The following ANKMY2 variants were observed in gnomAD, a reference collection of about 807,000 sequenced individuals.
ANKMY2 encodes the protein ankyrin repeat and MYND domain-containing protein 2.
Under a neutral mutation model 50.4 loss-of-function variants are expected in ANKMY2, and 36 were observed. That is an observed-to-expected ratio of 0.71 (90% CI 0.55 to 0.94). ANKMY2 has a LOEUF of 0.94. Ranked by LOEUF, ANKMY2 falls within the 40% of genes least tolerant of loss-of-function variation. The probability of loss-of-function intolerance (pLI) is 0.00; values close to 1 mark genes in which losing one functional copy is unlikely to be tolerated. For synonymous variants in ANKMY2, 187 were observed against 178.8 expected (o/e 1.05, Z -0.36); for missense variants, 565 against 524.0 (o/e 1.08, Z -0.76).
At position 16,600,709 on chromosome 7, in the gene ANKMY2, T is replaced by C; in HGVS notation, c.*52A>G. 3 of 1,492,492 alleles carry C rather than the reference T, an allele frequency of 2.0e-6. No individual in the cohort carries two copies. Among genetic ancestry groups the C allele is most frequent in the Non-Finnish European group, 2.7e-6 (3 of 1,114,394 alleles). The allele number at this position is 1,492,492 out of a possible 1,614,324, so 92.5% of individuals were successfully genotyped here. Reference sequence around the variant, plus strand: ...TGAGGACAATGCATTCCTAGGAGTTTTCCAGCTTCTTGCAGGGTGAGGATC... The same window carrying C: ...TGAGGACAATGCATTCCTAGGAGTTCTCCAGCTTCTTGCAGGGTGAGGATC... On this transcript the variant is annotated 3_prime_UTR_variant, in exon 10 of 10. Coordinates refer to ENST00000306999, the MANE Select transcript of ANKMY2 (RefSeq NM_020319.3).
At chr7:16,636,873 GCAC>G (rs1781669092) in intron 1 of ANKMY2, among the ~76,000 whole-genome samples, 2 of 152,292 alleles carry the variant, frequency 1.3e-5, no homozygotes, top group South Asian at 4.1e-4. Context: ...TAATTTGTCA[GCAC>G]CACATCTTGT....
intron 2 of ANKMY2, among the ~76,000 whole-genome samples, chr7:16,632,913 T>C (rs1781608665): frequency 1.3e-5 from 2 of 152,214 alleles, no homozygotes; most frequent in South Asian, 4.1e-4. Flanking sequence ...TGCTAATACC[T>C]GCTATACCAC....
chr7:16,629,144 C>G (rs185748132), intron 2 of ANKMY2, among the ~76,000 whole-genome samples: 1 of 152,148 alleles, frequency 6.6e-6, no homozygotes, highest in African/African-American at 2.4e-5. Context: ...ATTTTCCTGG[C>G]TCTTTTCTCT....
intron 5 of ANKMY2, among the ~76,000 whole-genome samples, chr7:16,614,157 C>G (rs538301401): frequency 1.2e-3 from 185 of 152,270 alleles, no homozygotes; most frequent in Non-Finnish European, 2.2e-3. Flanking sequence ...CCCAGCCAGC[C>G]CATGCCTGAG....
At chr7:16,625,570 T>G (rs565461821) in intron 3 of ANKMY2, among the ~76,000 whole-genome samples, 9 of 152,342 alleles carry the variant, frequency 5.9e-5, no homozygotes, top group African/African-American at 2.2e-4. Context: ...ATTCTTCTAC[T>G]AAAGTAGTCA....
chr7:16,609,605 T>A lies in ANKMY2; in HGVS notation c.882+25A>T. The stretch of plus-strand genomic sequence containing the variant: ...TGGGAATTAGGTTTTACTGATAGAG[T>A]CAACTTAGGTAAGAGGAGCCTTACA... On this transcript the variant is annotated intron_variant, in intron 7 of 9. Coordinates refer to ENST00000306999, the MANE Select transcript of ANKMY2 (RefSeq NM_020319.3). The A allele has an allele frequency of 1.9e-6, 3 of 1,574,414 alleles. No homozygotes were observed. In the Admixed American group the frequency reaches 6.2e-5, roughly 33 times the overall value.
At chr7:16,603,416 A>C (rs1781103348) in intron 8 of ANKMY2, 2 of 330,938 alleles carry the variant, frequency 6.0e-6, no homozygotes, top group African/African-American at 4.3e-5. Flanking sequence ...TGGAGAAAAT[A>C]TCTAGTACAA....
chr7:16,600,568 C>T lies in ANKMY2; in HGVS notation c.*193G>A. 1 of 422,194 alleles carries T rather than the reference C, an allele frequency of 2.4e-6. No homozygotes were observed. Among genetic ancestry groups the T allele is most frequent in the Non-Finnish European group, 4.0e-6 (1 of 248,912 alleles). The allele number at this position is 422,194 out of a possible 1,614,324, so 26.2% of individuals were successfully genotyped here. A position where few individuals can be genotyped will look rare whatever the true frequency, so the allele number is the denominator to read the frequency against. On this transcript the variant is annotated 3_prime_UTR_variant, in exon 10 of 10. Coordinates refer to ENST00000306999, the MANE Select transcript of ANKMY2 (RefSeq NM_020319.3). ...AAAATTTTCCATAGGAATATCCATT[C>T]AATTATAGAACAGAAATCAATAGGA...
chr7:16,621,511 TC>T (rs1781434860), intron 4 of ANKMY2, among the ~76,000 whole-genome samples: 1 of 152,054 alleles, frequency 6.6e-6, no homozygotes, highest in South Asian at 2.1e-4. Context: ...TAGCTATATA[TC>T]TGGGGGGAAA....
intron 4 of ANKMY2, among the ~76,000 whole-genome samples, chr7:16,616,149 G>A (rs558036352): frequency 1.3e-4 from 20 of 152,260 alleles, no homozygotes; most frequent in African/African-American, 4.8e-4. Flanking sequence ...CGAAGATTAT[G>A]TGGATTACAA....
At chr7:16,601,997 C>T (rs1041407157) in intron 9 of ANKMY2, among the ~76,000 whole-genome samples, 8 of 152,112 alleles carry the variant, frequency 5.3e-5, no homozygotes, top group Non-Finnish European at 8.8e-5. Context: ...TAAAGGCTTC[C>T]ACCCTTAAAA....
At chr7:16,622,582 C>CA (rs1217505662) in intron 4 of ANKMY2, among the ~76,000 whole-genome samples, 4 of 151,186 alleles carry the variant, frequency 2.6e-5, no homozygotes, top group Admixed American at 2.0e-4. Context: ...ACTAAAAATA[C>CA]AAAAAAAATT....
chr7:16,605,450 T>C (rs1235791527), intron 7 of ANKMY2, among the ~76,000 whole-genome samples: 2 of 152,180 alleles, frequency 1.3e-5, no homozygotes, highest in African/African-American at 2.4e-5. Flanking sequence ...TGAAACTTAC[T>C]ACTAGTGGGC....
chr7:16,638,657 C>T (rs899303679), intron 1 of ANKMY2, among the ~76,000 whole-genome samples: 23 of 152,130 alleles, frequency 1.5e-4, no homozygotes, highest in African/African-American at 5.1e-4. Context: ...CCTGAAGATG[C>T]GGGGAGGGGT....
At chr7:16,644,743 G>A in intron 1 of ANKMY2, 1 of 470,856 alleles carries the variant, frequency 2.1e-6, no homozygotes. Context: ...GGGGACTCCG[G>A]GGAAATATGG....
At position 16,600,749 on chromosome 7, in the gene ANKMY2, T is replaced by G. The variant is rs776458197; in HGVS notation, c.*12A>C. ...GGGTGAGGATCATCCACACTGGCAC[T>G]TGCTCTGGCTTTTACTCCTCAGACA... is the stretch of plus-strand genomic sequence containing the variant. On this transcript the variant is annotated 3_prime_UTR_variant, in exon 10 of 10. Coordinates refer to ENST00000306999, the MANE Select transcript of ANKMY2 (RefSeq NM_020319.3). 2 of 1,594,544 alleles carry G rather than the reference T, an allele frequency of 1.3e-6. No homozygotes were observed. Among genetic ancestry groups the G allele is most frequent in the Non-Finnish European group, 1.7e-6 (2 of 1,170,140 alleles).
intron 1 of ANKMY2, among the ~76,000 whole-genome samples, chr7:16,642,160 C>T (rs1227972483): frequency 6.6e-6 from 1 of 150,472 alleles, no homozygotes; most frequent in African/African-American, 2.4e-5. Flanking sequence ...TTGTTAGCAA[C>T]AGTAAGCCCA....
chr7:16,602,590 G>A (rs1159590045), intron 8 of ANKMY2, 81 bp from the exon 9 acceptor site: 3 of 1,484,248 alleles, frequency 2.0e-6, no homozygotes, highest in African/African-American at 2.8e-5. Context: ...CAAGAACTAA[G>A]CTATAAAAAT....
intron 1 of ANKMY2, among the ~76,000 whole-genome samples, chr7:16,639,326 T>TG (rs146411450): frequency 0.014 from 2,070 of 152,274 alleles, 27 homozygotes; most frequent in Non-Finnish European, 0.022. Flanking sequence ...AACAAACTGC[T>TG]GGGGGTGGAA....
Sources: allele counts gnomAD v4.1 joint callset (sites outside exome capture counted in the v4.1 genomes callset), GRCh38; gene constraint gnomAD v4.1.1; transcripts MANE v1.5; gene names NCBI Gene and HGNC (gene_info 2026-07-23, HGNC 2026-07-21).